The following STARD9 variants were observed in gnomAD, a reference collection of about 807,000 sequenced individuals.
STARD9 encodes the protein stAR-related lipid transfer protein 9.
STARD9 carries 346 observed loss-of-function variants against 399.8 expected under a neutral mutation model. The observed-to-expected ratio is 0.87, with a 90% CI of 0.79 to 0.95. The LOEUF is 0.95. Among genes scored for constraint, STARD9 ranks in the 40% least tolerant of loss-of-function variants. The probability of loss-of-function intolerance (pLI) is 0.00; values close to 1 mark genes in which losing one functional copy is unlikely to be tolerated. For synonymous variants in STARD9, 2,203 were observed against 2,143.5 expected (o/e 1.03, Z -0.77); for missense variants, 5,832 against 5,667.5 (o/e 1.03, Z -0.93).
chr15:42,716,741 C>A lies in STARD9; in HGVS notation c.13349C>A (p.Ala4450Glu). The change falls in exon 27 of 33, where the codon GCA becomes GAA. Residue 4450 changes from alanine to glutamate, a missense_variant. Coordinates refer to ENST00000290607, the MANE Select transcript of STARD9 (RefSeq NM_020759.3). Reference protein sequence around the residue: ...WIGDERGGHSAVRKNSAYSHR... With the variant: ...WIGDERGGHSEVRKNSAYSHR... ...GGGGATGAGCGAGGAGGCCATTCTG[C>A]AGTGAGGAAGAACTCTGCCTACAGT... 6.5e-7 allele frequency: 1 copy of A among 1,536,932 alleles called. No individual in the cohort carries two copies. Among genetic ancestry groups the A allele is most frequent in the Non-Finnish European group, 8.7e-7 (1 of 1,146,620 alleles).
At chr15:42,584,436 A>ATCT (rs1203094440) in intron 2 of STARD9, among the ~76,000 whole-genome samples, 4 of 152,226 alleles carry the variant, frequency 2.6e-5, no homozygotes, top group Non-Finnish European at 4.4e-5. Flanking sequence ...GTTCTTAAGA[A>ATCT]TAAGTCTCAG....
At chr15:42,607,712 C>T (rs2058765776) in intron 3 of STARD9, among the ~76,000 whole-genome samples, 1 of 149,924 alleles carries the variant, frequency 6.7e-6, no homozygotes, top group African/African-American at 2.5e-5. Context: ...ATAATTAAAT[C>T]CTATATTGTT....
intron 3 of STARD9, among the ~76,000 whole-genome samples, chr15:42,614,190 A>T (rs1340199338): frequency 6.6e-6 from 1 of 151,320 alleles, no homozygotes; most frequent in Admixed American, 6.6e-5. Flanking sequence ...GGGCGCCTGT[A>T]CTCCCAATTA....
In STARD9 at chr15:42,687,915, C is replaced by G; in HGVS notation, c.6337C>G (p.Gln2113Glu). 6.5e-7 allele frequency: 1 copy of G among 1,537,246 alleles called. No homozygotes were observed. The highest frequency in any genetic ancestry group is 8.7e-7 in the Non-Finnish European group (1 of 1,146,912). Reference protein sequence around the residue: ...SSGNPLPSKDQPSSPRQTDDT... With the variant: ...SSGNPLPSKDEPSSPRQTDDT... ...TGGAAACCCTTTGCCCTCTAAGGAT[C>G]AGCCATCTTCTCCAAGACAGACAGA... The change falls in exon 23 of 33, where the codon CAG becomes GAG. Residue 2113 changes from glutamine to glutamate, a missense_variant. Physicochemically the swap from Gln to Glu is conservative, Grantham distance 29. Transcript: ENST00000290607.
chr15:42,684,018 A>G (rs189258451), intron 22 of STARD9, 98 bp from the exon 23 acceptor site: 15 of 1,331,680 alleles, frequency 1.1e-5, no homozygotes, highest in Middle Eastern at 1.9e-4. Context: ...TCTGAAGTCT[A>G]TAGGAGACAG....
At position 42,690,911 on chromosome 15, in the gene STARD9, C is replaced by T. The variant is rs756074157; in HGVS notation, c.9333C>T (p.Pro3111=). Residue 3111 remains proline (P), a synonymous_variant, in exon 23 of 33, where the codon CCC becomes CCT. Transcript: ENST00000290607. ...TCCCTGCAGGCATGTACTCTGAGCCCCTGAGGCAGTTTAGGGACAGCTCTG... is the reference window on the plus strand; with the variant it reads ...TCCCTGCAGGCATGTACTCTGAGCCTCTGAGGCAGTTTAGGGACAGCTCTG... The part of the protein sequence containing the change: ...ASFPAGMYSE[P]LRQFRDSSVG... The T allele has an allele frequency of 3.9e-6, 6 of 1,536,992 alleles. No individual in the cohort carries two copies. Among genetic ancestry groups the T allele is most frequent in the East Asian group, 2.4e-5 (1 of 40,930 alleles).
chr15:42,685,981 C>T lies in STARD9; in HGVS notation c.4403C>T (p.Ala1468Val), dbSNP rs1240139312. Residue 1468 changes from alanine (A) to valine (V), a missense_variant, in exon 23 of 33, where the codon GCC becomes GTC. Ala to Val is a moderately conservative substitution (Grantham distance 64, BLOSUM62 0). Around this residue, in one of 2 missense-constraint regions of STARD9, gnomAD observed 5,828 missense variants for 5,651.1 expected, o/e 1.03. Coordinates refer to ENST00000290607, the MANE Select transcript of STARD9 (RefSeq NM_020759.3). ...TCTAGCGTATCAAACGTGCTGGCTG[C>T]CTCTGCCACCACCTTGACTCATGTA... ...HNSSVSNVLA[A>V]SATTLTHVGS... The T allele has an allele frequency of 2.0e-6, 3 of 1,537,292 alleles. No homozygotes were observed. The highest frequency in any genetic ancestry group is 2.4e-5 in the East Asian group (1 of 40,924).
At position 42,689,174 on chromosome 15, in the gene STARD9, C is replaced by G; in HGVS notation, c.7596C>G (p.Pro2532=). 1 of 1,537,266 alleles carries G rather than the reference C, an allele frequency of 6.5e-7. No homozygotes were observed. The highest frequency in any genetic ancestry group is 8.7e-7 in the Non-Finnish European group (1 of 1,146,916). ...SLAPVSLPRV[P]SPEPRLLEPS... is the part of the protein sequence containing the mutation. ...CACCTGTTTCCCTGCCGAGGGTGCCCAGTCCAGAGCCTAGGCTGTTGGAGC... is the reference window on the plus strand; with the variant it reads ...CACCTGTTTCCCTGCCGAGGGTGCCGAGTCCAGAGCCTAGGCTGTTGGAGC... The change falls in exon 23 of 33, where the codon CCC becomes CCG. Residue 2532 remains proline, a synonymous_variant. Transcript: ENST00000290607.
chr15:42,639,855 C>T (rs1016305297), intron 7 of STARD9, among the ~76,000 whole-genome samples: 1 of 149,242 alleles, frequency 6.7e-6, no homozygotes, highest in Non-Finnish European at 1.5e-5. Flanking sequence ...CAGAGCAAGA[C>T]GCCATCTCAA....
intron 7 of STARD9, among the ~76,000 whole-genome samples, chr15:42,650,447 T>C (rs1670209427): frequency 1.3e-5 from 2 of 152,214 alleles, no homozygotes; most frequent in South Asian, 4.1e-4. Context: ...CTCCCCATTC[T>C]ATAGTGGCTA....
At chr15:42,624,199 G>C (rs1869542280) in intron 3 of STARD9, among the ~76,000 whole-genome samples, 2 of 152,162 alleles carry the variant, frequency 1.3e-5, no homozygotes, top group African/African-American at 4.8e-5. Context: ...GTAAGGCTTG[G>C]ATGCCTTGTG....
In STARD9 at chr15:42,687,774, T is replaced by A; in HGVS notation, c.6196T>A (p.Ser2066Thr). ...QLENGILEIE[S>T]KQNKQVHASH... ...GGAAAATGGCATCTTAGAAATTGAA[T>A]CTAAGCAGAATAAGCAGGTTCATGC... Residue 2066 changes from serine (S) to threonine (T), a missense_variant, in exon 23 of 33, where the codon TCT becomes ACT. Physicochemically the swap from Ser to Thr is moderately conservative, Grantham distance 58. Around this residue, in one of 2 missense-constraint regions of STARD9, gnomAD observed 5,828 missense variants for 5,651.1 expected, o/e 1.03. Coordinates refer to ENST00000290607, the MANE Select transcript of STARD9 (RefSeq NM_020759.3). The A allele has an allele frequency of 6.5e-7, 1 of 1,537,462 alleles. No individual in the cohort carries two copies. Among genetic ancestry groups the A allele is most frequent in the Non-Finnish European group, 8.7e-7 (1 of 1,146,990 alleles).
At chr15:42,683,220 A>G (rs2060472773) in intron 22 of STARD9, among the ~76,000 whole-genome samples, 1 of 152,212 alleles carries the variant, frequency 6.6e-6, no homozygotes, top group South Asian at 2.1e-4. Flanking sequence ...AACGTCTGTT[A>G]GTGTTGTGTT....
At chr15:42,635,704 C>T (rs923525527) in intron 4 of STARD9, among the ~76,000 whole-genome samples, 10 of 152,162 alleles carry the variant, frequency 6.6e-5, no homozygotes, top group Non-Finnish European at 1.3e-4. Flanking sequence ...CTTGTCAGTC[C>T]TGCTGAATTT....
At chr15:42,699,003 A>G (rs1322948315) in intron 26 of STARD9, among the ~76,000 whole-genome samples, 2 of 121,698 alleles carry the variant, frequency 1.6e-5, no homozygotes, top group African/African-American at 3.2e-5. Flanking sequence ...AGTTTACCAG[A>G]GTATTCTTTC....
chr15:42,663,523 G>A (rs1188013442), intron 12 of STARD9, 33 bp downstream of exon 12: 2 of 1,521,062 alleles, frequency 1.3e-6, no homozygotes, highest in East Asian at 2.4e-5. Context: ...ACCTGTGTTG[G>A]GACTGGTACT....
At chr15:42,639,554 A>G (rs1042895861) in intron 7 of STARD9, among the ~76,000 whole-genome samples, 1 of 152,184 alleles carries the variant, frequency 6.6e-6, no homozygotes, top group African/African-American at 2.4e-5. Flanking sequence ...TTACCCTTCC[A>G]GGCCACTTAT....
At chr15:42,714,689 C>A (rs1482564953) in intron 26 of STARD9, among the ~76,000 whole-genome samples, 1 of 152,178 alleles carries the variant, frequency 6.6e-6, no homozygotes, top group Non-Finnish European at 1.5e-5. Context: ...AAGGGATTCT[C>A]CCGCCCAGCC....
Position 42,686,321 on chromosome 15 carries a change from G to A in STARD9, c.4743G>A (p.Glu1581=), listed in dbSNP as rs1489484423. The A allele has an allele frequency of 6.5e-7, 1 of 1,537,454 alleles. No homozygotes were observed. The highest frequency in any genetic ancestry group is 2.0e-5 in the Admixed American group (1 of 51,014). The stretch of plus-strand genomic sequence containing the variant: ...TTTCAGATTTCTTTAGCACTAGTGA[G>A]AAAGAGGCGAGTTATGACGAAACTT... ...EGVSDFFSTS[E]KEASYDETYS... Residue 1581 remains glutamate, a synonymous_variant, in exon 23 of 33, where the codon GAG becomes GAA. Coordinates refer to ENST00000290607, the MANE Select transcript of STARD9 (RefSeq NM_020759.3).
Sources: allele counts gnomAD v4.1 joint callset (sites outside exome capture counted in the v4.1 genomes callset), GRCh38; gene constraint gnomAD v4.1.1; regional missense constraint gnomAD v4.1.1; transcripts MANE v1.5; gene names NCBI Gene and HGNC (gene_info 2026-07-23, HGNC 2026-07-21).